CPEB1: variants seen among roughly 807,000 people sequenced by gnomAD.
CPEB1 encodes the protein cytoplasmic polyadenylation element binding protein 1.
CPEB1 carries 7 observed loss-of-function variants against 65.8 expected under a neutral mutation model. The observed-to-expected ratio is 0.11, with a 90% CI of 0.06 to 0.20. The LOEUF (loss-of-function observed/expected upper bound fraction) is 0.20, where lower values mean the gene tolerates loss of function less well. Among genes scored for constraint, CPEB1 ranks in the 10% least tolerant of loss-of-function variants. The pLI, the probability that CPEB1 is intolerant of heterozygous loss-of-function variation, is 1.00. For missense variants in CPEB1, 551 were observed against 712.2 expected (o/e 0.77, Z 2.58); for synonymous variants, 262 against 260.0 (o/e 1.01, Z -0.08).
upstream of CPEB1, chr15:82,647,759 A>C: frequency 1.9e-6 from 2 of 1,079,630 alleles, no homozygotes; most frequent in Non-Finnish European, 2.4e-6. Context: ...GGGGCGGGGG[A>C]TGGGGGTACC....
At chr15:82,593,541 G>A (rs1596077164) in intron 3 of CPEB1, among the ~76,000 whole-genome samples, 1 of 152,114 alleles carries the variant, frequency 6.6e-6, no homozygotes, top group Admixed American at 6.5e-5. Flanking sequence ...ACCCCTCAAA[G>A]TCATCTATGA....
rs11852847 is a variant in CPEB1, at chr15:82,551,094, G to C, written c.1281+1386C>G. ...AGGTGGGAAGACTACACAAGCTCCA[G>C]AGAATAAAGAAGCAGAGAAGGTAGG... On this transcript the variant is annotated intron_variant, in intron 9 of 12. Transcript: ENST00000684509. 3.2e-3 allele frequency among the ~76,000 whole-genome samples: 488 copies of C among 152,300 alleles called. 3 individuals are homozygous for C. The highest frequency in any genetic ancestry group is 0.011 in the African/African-American group (455 of 41,558).
chr15:82,580,252 C>T (rs186483269), intron 3 of CPEB1, among the ~76,000 whole-genome samples: 11 of 148,524 alleles, frequency 7.4e-5, no homozygotes, highest in Middle Eastern at 7.0e-3. Flanking sequence ...AACTGGGAGG[C>T]GGAGGTTGCA....
chr15:82,566,641 C>T (rs1484956535), intron 4 of CPEB1, among the ~76,000 whole-genome samples: 3 of 152,260 alleles, frequency 2.0e-5, no homozygotes, highest in Middle Eastern at 3.4e-3. Flanking sequence ...CAGGCAAGTT[C>T]CATTACCTGT....
At chr15:82,565,501 C>G (rs1486261440) in intron 4 of CPEB1, among the ~76,000 whole-genome samples, 1 of 152,188 alleles carries the variant, frequency 6.6e-6, no homozygotes, top group African/African-American at 2.4e-5. Flanking sequence ...AAGCCACGAG[C>G]ATACCTAACT....
chr15:82,647,964 CGCGCGCAG>C, upstream of CPEB1: 19 of 1,009,984 alleles, frequency 1.9e-5, no homozygotes, highest in Non-Finnish European at 2.4e-5. Flanking sequence ...TGCAGCGGGC[CGCGCGCAG>C]CCCCGCACCC....
chr15:82,570,453 C>A (rs2039849147), intron 4 of CPEB1, among the ~76,000 whole-genome samples: 1 of 136,348 alleles, frequency 7.3e-6, no homozygotes, highest in Non-Finnish European at 1.5e-5. Context: ...TTATAATTTA[C>A]ATAAAGCAAA....
intron 2 of CPEB1, 88 bp downstream of exon 2, chr15:82,628,276 A>G (rs773655446): frequency 1.4e-6 from 1 of 702,756 alleles, no homozygotes; most frequent in Non-Finnish European, 2.6e-6. Flanking sequence ...ACAGGAAATC[A>G]TGAAAGAAAC....
At chr15:82,632,289 T>C (rs2046326178) in intron 1 of CPEB1, among the ~76,000 whole-genome samples, 1 of 152,084 alleles carries the variant, frequency 6.6e-6, no homozygotes, top group South Asian at 2.1e-4. Context: ...GCCAAATTCA[T>C]TTATTTTTTA....
chr15:82,647,881 T>G, upstream of CPEB1: 2 of 1,253,710 alleles, frequency 1.6e-6, no homozygotes, highest in Non-Finnish European at 2.0e-6. Flanking sequence ...GGGGCCGGTG[T>G]GGCCCTGCGG....
rs181373111 is a variant in CPEB1, at chr15:82,547,733, C to T, written c.1481-496G>A. On this transcript the variant is annotated intron_variant, in intron 10 of 12. Transcript: ENST00000684509. ...TGTCACTCAGGCTGGAGTGTAATGGCGTGATCTCAGCTCACTGCAACCTCT... is the reference window on the plus strand; with the variant it reads ...TGTCACTCAGGCTGGAGTGTAATGGTGTGATCTCAGCTCACTGCAACCTCT... 2.7e-4 allele frequency among the ~76,000 whole-genome samples: 41 copies of T among 151,900 alleles called. No individual in the cohort carries two copies. In the East Asian group the frequency reaches 7.7e-3, roughly 28 times the overall value.
At position 82,632,703 on chromosome 15, in the gene CPEB1, T is replaced by C. The variant is rs369525581; in HGVS notation, c.-97-4147A>G. 1.6e-3 allele frequency among the ~76,000 whole-genome samples: 245 copies of C among 152,042 alleles called. 1 individual carries two copies. The highest frequency in any genetic ancestry group is 5.7e-3 in the African/African-American group (235 of 41,500). On this transcript the variant is annotated intron_variant, in intron 1 of 12. Coordinates refer to ENST00000684509, the MANE Select transcript of CPEB1 (RefSeq NM_001365242.1). ...CTAATTTTTTTTTTTAACTTTTTTT[T>C]TTCCCCTCAGAGAAAAGGTCTCGCT...
At chr15:82,636,132 C>T (rs984313846) in intron 1 of CPEB1, among the ~76,000 whole-genome samples, 10 of 152,212 alleles carry the variant, frequency 6.6e-5, no homozygotes, top group Non-Finnish European at 1.5e-4. Flanking sequence ...ACCACCACAC[C>T]TTCCTTGATT....
intron 4 of CPEB1, 30 bp from the exon 5 acceptor site, chr15:82,558,016 C>G: frequency 6.8e-7 from 1 of 1,474,778 alleles, no homozygotes; most frequent in Non-Finnish European, 9.2e-7. Flanking sequence ...AACCTCATGA[C>G]CTCTTAGTTT....
In CPEB1 at chr15:82,628,507, CT is replaced by C; in HGVS notation, c.-49del. ...AAAGGGTTCCGATTATTCAAGGCTG[CT>C]TTTGACTTCTTTTACAATACAGACC... On this transcript the variant is annotated 5_prime_UTR_variant, in exon 2 of 13. Coordinates refer to ENST00000684509, the MANE Select transcript of CPEB1 (RefSeq NM_001365242.1). 1.4e-6 allele frequency: 1 copy of C among 699,398 alleles called. No individual in the cohort carries two copies. The highest frequency in any genetic ancestry group is 2.6e-6 in the Non-Finnish European group (1 of 383,922). The allele number at this position is 699,398 out of a possible 1,614,324, so 43.3% of individuals were successfully genotyped here.
At chr15:82,604,595 A>G (rs1248423409) in intron 3 of CPEB1, among the ~76,000 whole-genome samples, 1 of 152,192 alleles carries the variant, frequency 6.6e-6, no homozygotes, top group Admixed American at 6.5e-5. Flanking sequence ...ATTACATATA[A>G]AAAAGAACCA....
chr15:82,646,277 T>G (rs2151407153), intron 1 of CPEB1, among the ~76,000 whole-genome samples: 1 of 152,316 alleles, frequency 6.6e-6, no homozygotes, highest in Non-Finnish European at 1.5e-5. Context: ...GCGGTGCACC[T>G]GTGCCTTCCA....
At chr15:82,595,972 G>T (rs892564102) in intron 3 of CPEB1, among the ~76,000 whole-genome samples, 1 of 152,176 alleles carries the variant, frequency 6.6e-6, no homozygotes, top group African/African-American at 2.4e-5. Context: ...AGAGGGGGCC[G>T]AGGGACATGT....
intron 3 of CPEB1, chr15:82,572,862 G>A (rs2040225552): frequency 1.6e-6 from 1 of 607,178 alleles, no homozygotes. Flanking sequence ...CAAAGACTAA[G>A]AAAATTCAGC....
Sources: gnomAD v4.1 joint callset for allele counts (sites outside exome capture counted in the v4.1 genomes callset) on GRCh38, gnomAD v4.1.1 for gene constraint, MANE v1.5 for transcripts, NCBI Gene and HGNC (gene_info 2026-07-23, HGNC 2026-07-21) for gene names.